LAMA4: variants seen among roughly 807,000 people sequenced by gnomAD.
LAMA4 encodes laminin subunit alpha-4.
Under a neutral mutation model 207.1 loss-of-function variants are expected in LAMA4, and 127 were observed. The observed-to-expected ratio is 0.61, with a 90% CI of 0.53 to 0.71. The LOEUF is 0.71. Ranked by LOEUF, LAMA4 falls within the 30% of genes least tolerant of loss-of-function variation. LAMA4 has a pLI of 0.00. For missense variants in LAMA4, 2,093 were observed against 2,246.5 expected (o/e 0.93, Z 1.38); for synonymous variants, 761 against 816.0 (o/e 0.93, Z 1.15).
intron 3 of LAMA4, among the ~76,000 whole-genome samples, chr6:112,212,017 G>A (rs1321185922): frequency 2.0e-5 from 3 of 152,010 alleles, no homozygotes; most frequent in African/African-American, 7.2e-5. Context: ...AGGGATAGAA[G>A]AGAGCTCTCT....
intron 6 of LAMA4, among the ~76,000 whole-genome samples, chr6:112,191,111 G>A (rs1554348882): frequency 6.6e-6 from 1 of 151,578 alleles, no homozygotes; most frequent in Admixed American, 6.6e-5. Flanking sequence ...AAGGGATGCT[G>A]GGTGGGACTA....
At chr6:112,172,890 C>T in intron 11 of LAMA4, 86 bp from the exon 12 acceptor site, 1 of 1,031,026 alleles carries the variant, frequency 9.7e-7, no homozygotes, top group Admixed American at 1.9e-5. Context: ...TTGCAAAATT[C>T]TCAGGCCATG....
chr6:112,165,261 C>T lies in LAMA4; in HGVS notation c.1567G>A (p.Val523Met). The stretch of plus-strand genomic sequence containing the variant: ...TTCACCACTTCCATTTGTTCCCTCA[C>T]TCTTTCCTGTTGTTTCTGCGGGAAG... ...QRDHEKQQERVREQMEVVNMS... is the reference protein window; with the variant it reads ...QRDHEKQQERMREQMEVVNMS... Residue 523 changes from valine to methionine, a missense_variant, in exon 13 of 39, where the codon GTG becomes ATG. Around this residue, in one of 3 missense-constraint regions of LAMA4, gnomAD observed 1,704 missense variants for 1,788.4 expected, o/e 0.95. Coordinates refer to ENST00000230538, the MANE Select transcript of LAMA4 (RefSeq NM_001105206.3). 9.9e-6 allele frequency: 16 copies of T among 1,611,948 alleles called. No homozygotes were observed. The highest frequency in any genetic ancestry group is 1.3e-5 in the African/African-American group (1 of 75,004).
intron 2 of LAMA4, chr6:112,217,748 G>C (rs548176866): frequency 6.6e-6 from 1 of 152,214 alleles, no homozygotes; most frequent in Admixed American, 6.5e-5. Flanking sequence ...TTCCAAGTTA[G>C]AGAAATAAGG....
chr6:112,190,221 G>A (rs1344098960), intron 6 of LAMA4, among the ~76,000 whole-genome samples: 4 of 152,164 alleles, frequency 2.6e-5, no homozygotes, highest in African/African-American at 9.7e-5. Flanking sequence ...TTGAGAATCA[G>A]GATGTCAACC....
At position 112,122,025 on chromosome 6, in the gene LAMA4, A is replaced by G. The variant is rs1778391985; in HGVS notation, c.4464T>C (p.Asp1488=). 2 of 1,613,876 alleles carry G rather than the reference A, an allele frequency of 1.2e-6. No individual in the cohort carries two copies. Among genetic ancestry groups the G allele is most frequent in the Non-Finnish European group, 1.7e-6 (2 of 1,179,846 alleles). ...SRQEFEHLKG[D]FGAKSQFSIR... is the part of the protein sequence containing the mutation. ...GTGTGTTACTTTACTTGGCACCAAA[A>G]TCTCCTTTTAAGTGTTCAAACTCTT... The change falls in exon 32 of 39, where the codon GAT becomes GAC. Residue 1488 remains aspartate (D), a synonymous_variant. Coordinates refer to ENST00000230538, the MANE Select transcript of LAMA4 (RefSeq NM_001105206.3).
At chr6:112,132,627 G>T (rs1305633189) in intron 28 of LAMA4, 126 bp downstream of exon 28, 1 of 839,892 alleles carries the variant, frequency 1.2e-6, no homozygotes, top group Non-Finnish European at 1.9e-6. Flanking sequence ...GAGGCATTCT[G>T]TGTGTCTACG....
intron 6 of LAMA4, among the ~76,000 whole-genome samples, chr6:112,190,935 CTTTCTTTCTTTCCTTTCTTTCTTTCTTT>C (rs1783043076): frequency 1.0e-4 from 6 of 59,334 alleles, no homozygotes; most frequent in African/African-American, 2.4e-4. Flanking sequence ...TTCTTTCTTT[CTTTCTTTCTTTCCTTTCTTTCTTTCTTT>C]CTTTCTTTCT....
At chr6:112,216,592 A>G (rs576454478) in intron 2 of LAMA4, 123 bp from the exon 3 acceptor site, 2 of 717,648 alleles carry the variant, frequency 2.8e-6, no homozygotes, top group East Asian at 5.4e-5. Context: ...TGAATATACT[A>G]AATGATACAT....
In LAMA4 at chr6:112,233,485, T is replaced by C. The variant is rs552690080; in HGVS notation, c.196-17016A>G. Among the ~76,000 whole-genome samples, 6 of 152,262 alleles carry C rather than the reference T, an allele frequency of 3.9e-5. No individual in the cohort carries two copies. The South Asian group carries it at 1.2e-3, about 32-fold the overall frequency. ...GCCTTCAGGGGTTCAATGGGGGAAA[T>C]TTAAGCTGTATCTGTAACTTACTAG... On this transcript the variant is annotated intron_variant, in intron 2 of 38. Transcript: ENST00000230538.
chr6:112,141,274 G>A, intron 21 of LAMA4, 84 bp downstream of exon 21: 1 of 1,185,042 alleles, frequency 8.4e-7, no homozygotes, highest in Non-Finnish European at 1.3e-6. Context: ...GTGTATGTGT[G>A]TGTGTGTGTG....
intron 31 of LAMA4, among the ~76,000 whole-genome samples, chr6:112,127,033 G>A (rs1397164915): frequency 6.6e-6 from 1 of 152,164 alleles, no homozygotes; most frequent in Non-Finnish European, 1.5e-5. Flanking sequence ...TATATGCCTT[G>A]TGCTATGCTA....
intron 6 of LAMA4, among the ~76,000 whole-genome samples, chr6:112,190,891 CTTTCTTT>C (rs1782991987): frequency 2.9e-5 from 2 of 68,772 alleles, no homozygotes; most frequent in South Asian, 1.4e-3. Context: ...TTCTTTCTTT[CTTTCTTT>C]CTTTCTTTCT....
intron 2 of LAMA4, among the ~76,000 whole-genome samples, chr6:112,230,851 G>A (rs561014153): frequency 6.6e-6 from 1 of 152,320 alleles, no homozygotes; most frequent in East Asian, 1.9e-4. Context: ...AACACAGAAT[G>A]CCAGAGCTGG....
intron 6 of LAMA4, 26 bp from the exon 7 acceptor site, chr6:112,189,231 A>G: frequency 6.6e-7 from 1 of 1,513,348 alleles, no homozygotes; most frequent in Non-Finnish European, 9.2e-7. Context: ...ACAAGAGACG[A>G]GAAATGCACT....
At chr6:112,160,560 A>G (rs1780995097) in intron 13 of LAMA4, among the ~76,000 whole-genome samples, 1 of 152,194 alleles carries the variant, frequency 6.6e-6, no homozygotes. Flanking sequence ...AAGATCACCA[A>G]CACCTGGCCC....
At chr6:112,216,093 C>T (rs1784610704) in intron 3 of LAMA4, among the ~76,000 whole-genome samples, 1 of 152,174 alleles carries the variant, frequency 6.6e-6, no homozygotes, top group Non-Finnish European at 1.5e-5. Context: ...TTTTCAATCC[C>T]ACCGCCATTG....
rs1319695865 is a variant in LAMA4 at position 112,133,433 on chromosome 6, G to A, written c.3612C>T (p.Gly1204=). The A allele has an allele frequency of 1.2e-6, 2 of 1,613,682 alleles. No homozygotes were observed. The highest frequency in any genetic ancestry group is 2.7e-5 in the African/African-American group (2 of 74,878). Residue 1204 remains glycine (G), a synonymous_variant, in exon 27 of 39, where the codon GGC becomes GGT. Coordinates refer to ENST00000230538, the MANE Select transcript of LAMA4 (RefSeq NM_001105206.3). ...LDINFRGCMK[G]FQFQKKDFNL... is the part of the protein sequence containing the mutation. ...TGAAGTCCTTCTTTTGGAACTGGAA[G>A]CCCTTCATGCATCCTCTGAAGTTGA...
chr6:112,129,510 G>T (rs911671515), intron 30 of LAMA4, among the ~76,000 whole-genome samples: 1 of 152,058 alleles, frequency 6.6e-6, no homozygotes, highest in Non-Finnish European at 1.5e-5. Context: ...TGTCATTAAT[G>T]ATAAGTACAA....
Sources: allele counts gnomAD v4.1 joint callset (sites outside exome capture counted in the v4.1 genomes callset), GRCh38; gene constraint gnomAD v4.1.1; regional missense constraint gnomAD v4.1.1; transcripts MANE v1.5; gene names NCBI Gene and HGNC (gene_info 2026-07-23, HGNC 2026-07-21).